CDKN2B-AS1: variants seen among roughly 807,000 people sequenced by gnomAD.
The protein encoded by CDKN2B-AS1 is CDKN2B antisense RNA 1 (non-protein coding).
At chr9:22,061,331 C>T (rs1281897658) in intron 4 of CDKN2B-AS1, among the ~76,000 whole-genome samples, 1 of 152,146 alleles carries the variant, frequency 6.6e-6, no homozygotes, top group Non-Finnish European at 1.5e-5. Context: ...TTTTCCTTTA[C>T]TAGCCAAAAG....
intron 4 of CDKN2B-AS1, among the ~76,000 whole-genome samples, chr9:22,101,683 C>G (rs1825489905): frequency 8.1e-6 from 1 of 124,140 alleles, no homozygotes; most frequent in Non-Finnish European, 1.9e-5. Context: ...CACACACACA[C>G]ACACACACAC....
At position 22,066,548 on chromosome 9, in the gene CDKN2B-AS1, T is replaced by C. The variant is rs1223463726; in HGVS notation, n.438+10161T>C. Among the ~76,000 whole-genome samples the C allele has an allele frequency of 4.1e-4, 62 of 152,008 alleles. 1 individual carries two copies. Reference sequence around the variant, plus strand: ...GCCTTAGTAATGCTGCTTTCCTAGCTTCTGAGAATTTCTAAGACCCAATGG... The same window carrying C: ...GCCTTAGTAATGCTGCTTTCCTAGCCTCTGAGAATTTCTAAGACCCAATGG... On this transcript the variant is annotated intron_variant and non_coding_transcript_variant, in intron 4 of 4. Coordinates refer to ENST00000650946, the Ensembl canonical transcript of CDKN2B-AS1.
intron 4 of CDKN2B-AS1, among the ~76,000 whole-genome samples, chr9:22,062,685 A>G (rs1823870009): frequency 6.6e-6 from 1 of 151,696 alleles, no homozygotes; most frequent in African/African-American, 2.4e-5. Context: ...CATCTCATGC[A>G]TGGGTTTTGG....
intron 1 of CDKN2B-AS1, among the ~76,000 whole-genome samples, chr9:21,998,112 C>T (rs1820765414): frequency 6.6e-6 from 1 of 152,110 alleles, no homozygotes; most frequent in Admixed American, 6.5e-5. Context: ...TCTTGGTTTC[C>T]CCCACTGCCG....
At chr9:22,023,978 C>T (rs961705794) in intron 1 of CDKN2B-AS1, among the ~76,000 whole-genome samples, 1 of 152,132 alleles carries the variant, frequency 6.6e-6, no homozygotes, top group Non-Finnish European at 1.5e-5. Flanking sequence ...GAACGCTTGC[C>T]AGAGAGGTGA....
At position 22,025,894 on chromosome 9, in the gene CDKN2B-AS1, C is replaced by G. The variant is rs1256867635; in HGVS notation, n.30-20857C>G. On this transcript the variant is annotated intron_variant and non_coding_transcript_variant, in intron 1 of 4. Coordinates refer to ENST00000650946, the Ensembl canonical transcript of CDKN2B-AS1. ...GGGGTATGCTTTAGCCCCTGATTGC[C>G]TCAGACACTCTGAAGCCCAAAGGCT... Among the ~76,000 whole-genome samples, 5 of 152,270 alleles carry G rather than the reference C, an allele frequency of 3.3e-5. No homozygotes were observed. In the East Asian group the frequency reaches 9.7e-4, roughly 30 times the overall value.
At chr9:22,020,176 A>G (rs939745512) in intron 1 of CDKN2B-AS1, among the ~76,000 whole-genome samples, 2 of 152,174 alleles carry the variant, frequency 1.3e-5, no homozygotes, top group Non-Finnish European at 2.9e-5. Context: ...TTCCAGCTCC[A>G]TCCATGTCCC....
rs893306001 is a variant in CDKN2B-AS1, at chr9:22,029,292, A to G, written n.30-17459A>G. ...AATGTGCTTTGAGAGAGAGAAAGCTATTACCGTCTTTATCAAATAGGAGAG... is the reference window on the plus strand; with the variant it reads ...AATGTGCTTTGAGAGAGAGAAAGCTGTTACCGTCTTTATCAAATAGGAGAG... On this transcript the variant is annotated intron_variant and non_coding_transcript_variant, in intron 1 of 4. Coordinates refer to ENST00000650946, the Ensembl canonical transcript of CDKN2B-AS1. 3.2e-5 allele frequency: 20 copies of G among 632,902 alleles called. No individual in the cohort carries two copies. In the South Asian group the frequency reaches 4.1e-4, roughly 13 times the overall value. The allele number at this position is 632,902 out of a possible 1,614,324, so 39.2% of individuals were successfully genotyped here.
At position 22,087,660 on chromosome 9, in the gene CDKN2B-AS1, C is replaced by G. The variant is rs536172466; in HGVS notation, n.438+31273C>G. On this transcript the variant is annotated intron_variant and non_coding_transcript_variant, in intron 4 of 4. Coordinates refer to ENST00000650946, the Ensembl canonical transcript of CDKN2B-AS1. ...ATGACTTGATTAGCAATTGTTTAGT[C>G]TGATGTTTTCCTAATTTCTGTCATT... Among the ~76,000 whole-genome samples, 19 of 152,254 alleles carry G rather than the reference C, an allele frequency of 1.2e-4. No individual in the cohort carries two copies. In the South Asian group the frequency reaches 3.5e-3, roughly 28 times the overall value.
intron 4 of CDKN2B-AS1, among the ~76,000 whole-genome samples, chr9:22,106,069 T>C (rs1825649264): frequency 6.6e-6 from 1 of 151,284 alleles, no homozygotes; most frequent in African/African-American, 2.4e-5. Context: ...TGCCACCACA[T>C]CTGGATAATT....
At chr9:22,017,572 A>T (rs1821827451) in intron 1 of CDKN2B-AS1, among the ~76,000 whole-genome samples, 1 of 152,186 alleles carries the variant, frequency 6.6e-6, no homozygotes, top group Non-Finnish European at 1.5e-5. Flanking sequence ...AAGTTATTAT[A>T]TTTAGTTCAG....
intron 1 of CDKN2B-AS1, among the ~76,000 whole-genome samples, chr9:22,015,299 C>G (rs1252992258): frequency 2.6e-5 from 4 of 151,916 alleles, no homozygotes; most frequent in African/African-American, 9.7e-5. Context: ...TTTTCTATTT[C>G]TAGACTCTTT....
At chr9:22,021,259 TTTTA>T (rs1269027217) in intron 1 of CDKN2B-AS1, among the ~76,000 whole-genome samples, 1 of 151,996 alleles carries the variant, frequency 6.6e-6, no homozygotes, top group Admixed American at 6.6e-5. Context: ...TGTTCTTAAC[TTTTA>T]TTTATTTATT....
intron 4 of CDKN2B-AS1, chr9:22,064,025 A>C (rs959404481): frequency 6.6e-6 from 1 of 152,346 alleles, no homozygotes; most frequent in South Asian, 2.1e-4. Context: ...GGAGGTACAC[A>C]GGATGTATCC....
At chr9:22,125,741 G>T (rs922656410) in intron 4 of CDKN2B-AS1, among the ~76,000 whole-genome samples, 1 of 152,142 alleles carries the variant, frequency 6.6e-6, no homozygotes, top group Non-Finnish European at 1.5e-5. Context: ...GCACAATTAT[G>T]TTCACTGTGG....
chr9:22,012,071 C>T, intron 1 of CDKN2B-AS1: 1 of 607,370 alleles, frequency 1.6e-6, no homozygotes, highest in Non-Finnish European at 3.0e-6. Flanking sequence ...GTGAAATTGT[C>T]TGTATATGAC....
intron 4 of CDKN2B-AS1, among the ~76,000 whole-genome samples, chr9:22,092,925 A>G (rs10811654): frequency 0.41 from 61,554 of 151,924 alleles, 13,950 homozygotes; most frequent in Middle Eastern, 0.63. Flanking sequence ...TAGGGTGTCA[A>G]TTTTAGATCT....
chr9:22,085,704 G>A (rs957054554), intron 4 of CDKN2B-AS1, among the ~76,000 whole-genome samples: 1 of 136,652 alleles, frequency 7.3e-6, no homozygotes, highest in African/African-American at 2.9e-5. Flanking sequence ...GAGGGCAACA[G>A]AGCGAGACTC....
chr9:22,073,940 T>C (rs1451404662), intron 4 of CDKN2B-AS1, among the ~76,000 whole-genome samples: 2 of 152,024 alleles, frequency 1.3e-5, no homozygotes, highest in South Asian at 2.1e-4. Flanking sequence ...CACAGCTTAC[T>C]GCAACCTCTG....
Sources: allele counts gnomAD v4.1 joint callset (sites outside exome capture counted in the v4.1 genomes callset), GRCh38; gene constraint gnomAD v4.1.1; transcripts MANE v1.5; gene names NCBI Gene and HGNC (gene_info 2026-07-23, HGNC 2026-07-21).